DHRS3: variants seen among roughly 807,000 people sequenced by gnomAD.
The protein encoded by DHRS3 is dehydrogenase/reductase 3.
Under a neutral mutation model 27.2 loss-of-function variants are expected in DHRS3, and 14 were observed. That is an observed-to-expected ratio of 0.52 (90% CI 0.34 to 0.81). The LOEUF is 0.81. Ranked by LOEUF, DHRS3 falls within the 30% of genes least tolerant of loss-of-function variation. The pLI, the probability that DHRS3 is intolerant of heterozygous loss-of-function variation, is 0.01. For synonymous variants in DHRS3, 165 were observed against 175.9 expected, an observed-to-expected ratio of 0.94 and a Z score of 0.49; for missense variants, 322 against 406.2, an observed-to-expected ratio of 0.79 and a Z score of 1.78.
At position 12,580,602 on chromosome 1, in the gene DHRS3, C is replaced by T; in HGVS notation, c.260G>A (p.Gly87Asp). 1 of 1,614,162 alleles carries T rather than the reference C, an allele frequency of 6.2e-7. No individual in the cohort carries two copies. Among genetic ancestry groups the T allele is most frequent in the Non-Finnish European group, 8.5e-7 (1 of 1,180,044 alleles). Residue 87 changes from glycine (G) to aspartate (D), a missense_variant, in exon 2 of 6, where the codon GGC becomes GAC. By Grantham distance (94) the Gly-to-Asp change is moderately conservative. Transcript: ENST00000616661. ...KETTEEIRQMGTECHYFICDV... is the reference protein window; with the variant it reads ...KETTEEIRQMDTECHYFICDV... ...ACAGATGAAGTAATGGCACTCAGTG[C>T]CCATCTGCCGGATCTCCTCCGTCGT...
chr1:12,606,038 T>TGAGGCAGGAGAATTGCTTGAACCCA (rs1646868084), intron 1 of DHRS3, among the ~76,000 whole-genome samples: 2 of 149,790 alleles, frequency 1.3e-5, no homozygotes, highest in Admixed American at 6.7e-5. Flanking sequence ...CTTGGGAGGC[T>TGAGGCAGGAGAATTGCTTGAACCCA]GAGGCAGGAG....
intron 1 of DHRS3, among the ~76,000 whole-genome samples, chr1:12,587,953 A>T (rs1181666734): frequency 6.6e-6 from 1 of 152,070 alleles, no homozygotes; most frequent in Non-Finnish European, 1.5e-5. Flanking sequence ...TGAGGGAGGG[A>T]GCCTGCCGGG....
intron 1 of DHRS3, among the ~76,000 whole-genome samples, chr1:12,601,867 T>TTGTG (rs1381901016): frequency 6.6e-6 from 1 of 152,220 alleles, no homozygotes; most frequent in Non-Finnish European, 1.5e-5. Flanking sequence ...GTAAATGACC[T>TTGTG]TGTGACGTGT....
intron 4 of DHRS3, among the ~76,000 whole-genome samples, chr1:12,576,097 G>A (rs1477655473): frequency 6.6e-6 from 1 of 152,156 alleles, no homozygotes; most frequent in Non-Finnish European, 1.5e-5. Flanking sequence ...CACAGAGCTG[G>A]GATTTGACCC....
At position 12,608,025 on chromosome 1, in the gene DHRS3, G is replaced by A. The variant is rs1378816095; in HGVS notation, c.195+9129C>T. 6.6e-6 allele frequency among the ~76,000 whole-genome samples: 1 copy of A among 152,016 alleles called. No individual in the cohort carries two copies. Among genetic ancestry groups the A allele is most frequent in the Non-Finnish European group, 1.5e-5 (1 of 68,000 alleles). Reference sequence around the variant, plus strand: ...CCCGAGTAGCTGGGATCCCAGGCATGCACCACCATGCCAGATAATTTTTGT... The same window carrying A: ...CCCGAGTAGCTGGGATCCCAGGCATACACCACCATGCCAGATAATTTTTGT... On this transcript the variant is annotated intron_variant, in intron 1 of 5. Coordinates refer to ENST00000616661, the MANE Select transcript of DHRS3 (RefSeq NM_004753.7). This position sits in a 1 kb window ranked among gnomAD's most constrained non-coding sequence, Gnocchi z 4.1.
At chr1:12,597,931 C>G (rs1188731785) in intron 1 of DHRS3, among the ~76,000 whole-genome samples, 2 of 152,206 alleles carry the variant, frequency 1.3e-5, no homozygotes, top group African/African-American at 2.4e-5. Flanking sequence ...CCAGCCCCAG[C>G]CATCGCACAG....
Position 12,574,359 on chromosome 1 carries a change from T to C in DHRS3, c.699-1506A>G, listed in dbSNP as rs1646567434. Among the ~76,000 whole-genome samples the C allele has an allele frequency of 6.6e-6, 1 of 152,030 alleles. No individual in the cohort carries two copies. Among genetic ancestry groups the C allele is most frequent in the Admixed American group, 6.6e-5 (1 of 15,248 alleles). On this transcript the variant is annotated intron_variant, in intron 4 of 5. Coordinates refer to ENST00000616661, the MANE Select transcript of DHRS3 (RefSeq NM_004753.7). The surrounding 1 kb of genome is among the most constrained non-coding windows in gnomAD (Gnocchi z 4.6). ...ATAATTTTTATATTTTTTGTAGAGA[T>C]GGGGTTTTGCCATGTTGCCCAGGCT...
chr1:12,604,822 G>A (rs1487214068), intron 1 of DHRS3, among the ~76,000 whole-genome samples: 19 of 152,108 alleles, frequency 1.2e-4, no homozygotes, highest in Non-Finnish European at 1.5e-4. Flanking sequence ...AGGCTGAGGC[G>A]GGTGGATCAC....
intron 1 of DHRS3, among the ~76,000 whole-genome samples, chr1:12,585,752 T>C (rs1208529764): frequency 3.9e-5 from 6 of 152,206 alleles, no homozygotes; most frequent in African/African-American, 1.2e-4. Context: ...GGAGGTGACC[T>C]GCACAGCTGA....
rs546246093 is a variant in DHRS3 at position 12,594,852 on chromosome 1, G to A, written c.196-14186C>T. Among the ~76,000 whole-genome samples the A allele has an allele frequency of 5.4e-4, 82 of 152,262 alleles. No individual in the cohort carries two copies. Among genetic ancestry groups the A allele is most frequent in the Middle Eastern group, 6.8e-3 (2 of 294 alleles). On this transcript the variant is annotated intron_variant, in intron 1 of 5. Coordinates refer to ENST00000616661, the MANE Select transcript of DHRS3 (RefSeq NM_004753.7). The surrounding 1 kb of genome is among the most constrained non-coding windows in gnomAD (Gnocchi z 4.1). ...CATGAAGCTGGAAGGGGCTGGGCTG[G>A]GATGCTTAGGTGATGGGAGAAGAGG...
chr1:12,597,942 A>G (rs528581225), intron 1 of DHRS3, among the ~76,000 whole-genome samples: 17 of 152,326 alleles, frequency 1.1e-4, no homozygotes, highest in Non-Finnish European at 2.4e-4. Flanking sequence ...CATCGCACAG[A>G]GGGTGCCCAA....
At chr1:12,569,243 A>T (rs1474841720) in intron 5 of DHRS3, among the ~76,000 whole-genome samples, 2 of 151,188 alleles carry the variant, frequency 1.3e-5, no homozygotes, top group Admixed American at 1.3e-4. Flanking sequence ...ACACACACAC[A>T]CACACACACA....
At chr1:12,606,984 A>C (rs749072457) in intron 1 of DHRS3, among the ~76,000 whole-genome samples, 1 of 152,216 alleles carries the variant, frequency 6.6e-6, no homozygotes. Flanking sequence ...GGTCATGGCA[A>C]TAGTTTTTTT....
At chr1:12,576,029 T>C (rs1646583685) in intron 4 of DHRS3, among the ~76,000 whole-genome samples, 1 of 152,022 alleles carries the variant, frequency 6.6e-6, no homozygotes, top group African/African-American at 2.4e-5. Flanking sequence ...ATTATGAATC[T>C]CTTTTTAGAG....
chr1:12,600,879 T>C (rs1228990456), intron 1 of DHRS3, among the ~76,000 whole-genome samples: 1 of 151,590 alleles, frequency 6.6e-6, no homozygotes. Context: ...TGGACTTTGG[T>C]GGCTGAGCAT....
rs774093905 is a variant in DHRS3 at position 12,574,985 on chromosome 1, T to C, written c.699-2132A>G. 1.6e-4 allele frequency among the ~76,000 whole-genome samples: 24 copies of C among 152,108 alleles called. No homozygotes were observed. Among genetic ancestry groups the C allele is most frequent in the Non-Finnish European group, 3.4e-4 (23 of 68,030 alleles). On this transcript the variant is annotated intron_variant, in intron 4 of 5. Transcript: ENST00000616661. The surrounding 1 kb of genome is among the most constrained non-coding windows in gnomAD (Gnocchi z 4.6). ...CTGTGAGGGCCAAATGCAGCAGCAC[T>C]TGTAAAGTGTCTAGTGGTTCTAGGT...
chr1:12,580,776 C>A, intron 1 of DHRS3, 110 bp from the exon 2 acceptor site: 2 of 1,287,004 alleles, frequency 1.6e-6, no homozygotes, highest in Admixed American at 4.8e-5. Context: ...AATGACTGGC[C>A]TCCCTGGTTC....
intron 1 of DHRS3, among the ~76,000 whole-genome samples, chr1:12,587,392 C>T (rs1337889947): frequency 1.3e-5 from 2 of 152,224 alleles, no homozygotes; most frequent in East Asian, 1.9e-4. Flanking sequence ...GATTCTCCCA[C>T]CTCAGCCTCC....
chr1:12,616,278 C>T (rs532642041), intron 1 of DHRS3, among the ~76,000 whole-genome samples: 154 of 152,274 alleles, frequency 1.0e-3, no homozygotes, highest in African/African-American at 3.0e-3. Context: ...GCCTGGCCTG[C>T]CTCCCTCTCC....
Sources: gnomAD v4.1 joint callset for allele counts (sites outside exome capture counted in the v4.1 genomes callset) on GRCh38, gnomAD v4.1.1 for gene constraint, Gnocchi (gnomAD v3.1) non-coding constraint, MANE v1.5 for transcripts, NCBI Gene and HGNC (gene_info 2026-07-23, HGNC 2026-07-21) for gene names.